PPARG: variants seen among roughly 807,000 people sequenced by gnomAD.
PPARG encodes the protein peroxisome proliferator activated receptor gamma.
PPARG carries 17 observed loss-of-function variants against 39.2 expected under a neutral mutation model. The observed-to-expected ratio is 0.43, with a 90% confidence interval of 0.30 to 0.65. PPARG has a LOEUF of 0.65. Among genes scored for constraint, PPARG ranks in the 30% least tolerant of loss-of-function variants. The pLI is 0.13. For synonymous variants in PPARG, 223 were observed against 215.7 expected (o/e 1.03, Z -0.30); for missense variants, 406 against 585.9 (o/e 0.69, Z 3.17).
chr3:12,419,247 C>T (rs1199778586), intron 7 of PPARG, among the ~76,000 whole-genome samples: 2 of 151,666 alleles, frequency 1.3e-5, no homozygotes, highest in East Asian at 2.0e-4. Flanking sequence ...GCCCGGCCGA[C>T]GTTATGTTTA....
rs533872842 is a variant in PPARG at position 12,351,949 on chromosome 3, C to T, written c.-8-27755C>T. ...AGGTATAGTTATATCCAAAAACAAT[C>T]CTGTTCATTTTTATTTCCTGAGTTT... On this transcript the variant is annotated intron_variant, in intron 2 of 7. Transcript: ENST00000651735. 4.6e-5 allele frequency among the ~76,000 whole-genome samples: 7 copies of T among 152,264 alleles called. No individual in the cohort carries two copies. In the East Asian group the frequency reaches 5.8e-4, roughly 13 times the overall value.
intron 2 of PPARG, among the ~76,000 whole-genome samples, chr3:12,351,111 A>C (rs2048472630): frequency 6.6e-6 from 1 of 152,224 alleles, no homozygotes; most frequent in South Asian, 2.1e-4. Context: ...ACCGAAAGAA[A>C]ACTTTGCCCA....
At chr3:12,296,728 T>C (rs909178220) in intron 1 of PPARG, among the ~76,000 whole-genome samples, 1 of 152,206 alleles carries the variant, frequency 6.6e-6, no homozygotes, top group African/African-American at 2.4e-5. Context: ...TAGCTTAGCA[T>C]GGCTGCTTAG....
intron 2 of PPARG, among the ~76,000 whole-genome samples, chr3:12,365,451 G>A (rs567981009): frequency 6.6e-5 from 10 of 152,066 alleles, no homozygotes; most frequent in South Asian, 2.1e-4. Flanking sequence ...AGTCCTATCC[G>A]TGCTCAAGGT....
chr3:12,362,255 G>A (rs945382339), intron 2 of PPARG, among the ~76,000 whole-genome samples: 1 of 152,064 alleles, frequency 6.6e-6, no homozygotes, highest in Non-Finnish European at 1.5e-5. Flanking sequence ...GGTGGCTCAT[G>A]CCTGTAATCC....
intron 1 of PPARG, among the ~76,000 whole-genome samples, chr3:12,308,275 T>C (rs1305302337): frequency 6.9e-6 from 1 of 144,712 alleles, no homozygotes; most frequent in Non-Finnish European, 1.5e-5. Context: ...GCCTGGGTGG[T>C]TGAGGCTACA....
chr3:12,377,589 T>C (rs2049464497), intron 2 of PPARG, among the ~76,000 whole-genome samples: 1 of 152,230 alleles, frequency 6.6e-6, no homozygotes, highest in African/African-American at 2.4e-5. Context: ...GAAGTTCATT[T>C]ACCTAAATTT....
chr3:12,418,328 T>C (rs530413805), intron 7 of PPARG, among the ~76,000 whole-genome samples: 8 of 152,310 alleles, frequency 5.3e-5, no homozygotes, highest in African/African-American at 1.9e-4. Flanking sequence ...CATCTCTCTG[T>C]ATAAAAATTG....
intron 7 of PPARG, among the ~76,000 whole-genome samples, chr3:12,422,433 C>A (rs972019467): frequency 3.9e-5 from 6 of 152,210 alleles, no homozygotes; most frequent in African/African-American, 9.6e-5. Context: ...AGACCCAGGT[C>A]TCTCAGACTT....
intron 2 of PPARG, among the ~76,000 whole-genome samples, chr3:12,365,270 T>C (rs1469898177): frequency 6.6e-6 from 1 of 152,186 alleles, no homozygotes; most frequent in African/African-American, 2.4e-5. Flanking sequence ...GACCTGGAGG[T>C]TGGGAACCCC....
intron 5 of PPARG, among the ~76,000 whole-genome samples, chr3:12,396,968 CTA>C: frequency 1.3e-5 from 2 of 152,216 alleles, no homozygotes; most frequent in African/African-American, 4.8e-5. Flanking sequence ...GTTGCTGAAA[CTA>C]TAGGCATGTG....
At chr3:12,305,711 C>G (rs1574957957) in intron 1 of PPARG, 1 of 152,328 alleles carries the variant, frequency 6.6e-6, no homozygotes, top group African/African-American at 2.4e-5. Flanking sequence ...TAGTGTCATT[C>G]TACCTCCTAA....
chr3:12,412,458 T>C (rs1271740165), intron 6 of PPARG, among the ~76,000 whole-genome samples: 2 of 152,172 alleles, frequency 1.3e-5, no homozygotes, highest in Non-Finnish European at 2.9e-5. Context: ...TATGTCAAAA[T>C]TGAAAATCAA....
intron 4 of PPARG, among the ~76,000 whole-genome samples, chr3:12,382,134 A>G (rs1471441301): frequency 1.3e-5 from 2 of 151,310 alleles, no homozygotes; most frequent in Non-Finnish European, 2.9e-5. Flanking sequence ...CTAGACCCTG[A>G]CTCCTTAGGT....
chr3:12,287,789 G>GCCGCCCCCGCCC (rs1229782142), upstream of PPARG: 11 of 79,310 alleles, frequency 1.4e-4, no homozygotes, highest in African/African-American at 2.3e-4. Context: ...GTCGCGCGCC[G>GCCGCCCCCGCCC]CCGCCCCCGC....
chr3:12,385,549 AT>A lies in PPARG; in HGVS notation c.390+4065del, dbSNP rs1186844097. On this transcript the variant is annotated intron_variant, in intron 4 of 7. Transcript: ENST00000651735. ...TTTGTTGTTTACATGTTGGAGATAT[AT>A]TTTTTTCTTTGGTAAGTTCCATCCT... 8.5e-5 allele frequency among the ~76,000 whole-genome samples: 13 copies of A among 152,154 alleles called. No homozygotes were observed. In the South Asian group the frequency reaches 1.5e-3, roughly 17 times the overall value.
At chr3:12,310,791 TAAAAAAAAAAAAAAAAAAAAA>T (rs761238501) in intron 1 of PPARG, among the ~76,000 whole-genome samples, 1 of 50,358 alleles carries the variant, frequency 2.0e-5, no homozygotes, top group African/African-American at 8.2e-5. Context: ...GCCTTAAATG[TAAAAAAAAAAAAAAAAAAAAA>T]AAAAAAAAAA....
At chr3:12,344,514 T>G (rs1004068546) in intron 2 of PPARG, among the ~76,000 whole-genome samples, 2 of 152,252 alleles carry the variant, frequency 1.3e-5, no homozygotes, top group Non-Finnish European at 2.9e-5. Context: ...AAGTTTATTA[T>G]GTACTGATTT....
At chr3:12,358,746 T>C (rs1474517132) in intron 2 of PPARG, among the ~76,000 whole-genome samples, 1 of 152,202 alleles carries the variant, frequency 6.6e-6, no homozygotes, top group Non-Finnish European at 1.5e-5. Context: ...CTGTTTGCCA[T>C]TGATACAGTC....
Sources: allele counts gnomAD v4.1 joint callset (sites outside exome capture counted in the v4.1 genomes callset), GRCh38; gene constraint gnomAD v4.1.1; transcripts MANE v1.5; gene names NCBI Gene and HGNC (gene_info 2026-07-23, HGNC 2026-07-21).